COMMD10: variants seen among roughly 807,000 people sequenced by gnomAD.
The protein encoded by COMMD10 is COMM domain containing 10.
COMMD10 carries 33 observed loss-of-function variants against 28.9 expected under a neutral mutation model. The ratio of observed to expected loss-of-function variants is 1.14; its 90% CI spans 0.87 to 1.53. The LOEUF is 1.53. COMMD10 is among the 40% of genes most tolerant of loss of function. The pLI is 0.00. For synonymous variants in COMMD10, 110 were observed against 81.7 expected (o/e 1.35, Z -1.87); for missense variants, 310 against 233.4 (o/e 1.33, Z -2.14).
At chr5:116,265,242 A>T (rs1750554636) in intron 5 of COMMD10, among the ~76,000 whole-genome samples, 1 of 151,778 alleles carries the variant, frequency 6.6e-6, no homozygotes, top group South Asian at 2.1e-4. Context: ...AATATTCTGC[A>T]TATTGACTTT....
intron 4 of COMMD10, among the ~76,000 whole-genome samples, chr5:116,105,461 T>C (rs1014553136): frequency 6.6e-6 from 1 of 152,222 alleles, no homozygotes; most frequent in Admixed American, 6.5e-5. Context: ...ATTAGGATGA[T>C]GTTGGCCTCG....
chr5:116,207,468 G>A (rs1748842270), intron 5 of COMMD10, among the ~76,000 whole-genome samples: 1 of 152,190 alleles, frequency 6.6e-6, no homozygotes, highest in East Asian at 1.9e-4. Flanking sequence ...TTATTCATCA[G>A]TTTCTCTCAA....
chr5:116,110,339 G>C (rs377313241), intron 4 of COMMD10, among the ~76,000 whole-genome samples: 1 of 152,162 alleles, frequency 6.6e-6, no homozygotes, highest in African/African-American at 2.4e-5. Context: ...TTCTTTATTC[G>C]TTGTGTCCTT....
chr5:116,212,310 G>A (rs1748986390), intron 5 of COMMD10, among the ~76,000 whole-genome samples: 1 of 152,148 alleles, frequency 6.6e-6, no homozygotes, highest in Admixed American at 6.5e-5. Flanking sequence ...AGTAGAAGTA[G>A]TAATCCTCTC....
Position 116,153,958 on chromosome 5 carries a change from T to C in COMMD10, c.510+19780T>C, listed in dbSNP as rs541978516. 3.9e-5 allele frequency among the ~76,000 whole-genome samples: 6 copies of C among 152,114 alleles called. No individual in the cohort carries two copies. In the South Asian group the frequency reaches 1.0e-3, roughly 26 times the overall value. On this transcript the variant is annotated intron_variant, in intron 5 of 6. Transcript: ENST00000274458. Reference sequence around the variant, plus strand: ...CTTAGAATACTAGAGAATTAGAGAATTTAGGGGCATAAAATAGAATCCATA... The same window carrying C: ...CTTAGAATACTAGAGAATTAGAGAACTTAGGGGCATAAAATAGAATCCATA...
At chr5:116,274,074 C>G (rs986703935) in intron 5 of COMMD10, among the ~76,000 whole-genome samples, 1 of 151,638 alleles carries the variant, frequency 6.6e-6, no homozygotes. Flanking sequence ...ACCAACCTTT[C>G]CTATAAAACA....
At chr5:116,096,970 A>G (rs1750488542) in intron 4 of COMMD10, among the ~76,000 whole-genome samples, 1 of 151,970 alleles carries the variant, frequency 6.6e-6, no homozygotes, top group African/African-American at 2.4e-5. Flanking sequence ...TATATTTTAT[A>G]CAGTCCGTTT....
At chr5:116,177,323 A>G (rs1037103891) in intron 5 of COMMD10, among the ~76,000 whole-genome samples, 1 of 152,290 alleles carries the variant, frequency 6.6e-6, no homozygotes, top group African/African-American at 2.4e-5. Context: ...TGTTTAAAAT[A>G]CATGTAAATG....
chr5:116,264,643 T>C (rs1482335665), intron 5 of COMMD10, among the ~76,000 whole-genome samples: 1 of 151,904 alleles, frequency 6.6e-6, no homozygotes, highest in African/African-American at 2.4e-5. Flanking sequence ...TGGTCTCCTG[T>C]GTGACTGTTA....
At chr5:116,116,839 C>G (rs1048247418) in intron 4 of COMMD10, among the ~76,000 whole-genome samples, 1 of 152,036 alleles carries the variant, frequency 6.6e-6, no homozygotes, top group Non-Finnish European at 1.5e-5. Flanking sequence ...CTGCCTCAGC[C>G]TCCCAAAATG....
At chr5:116,132,550 AGTTAT>A (rs1323002704) in intron 4 of COMMD10, among the ~76,000 whole-genome samples, 1 of 152,126 alleles carries the variant, frequency 6.6e-6, no homozygotes, top group African/African-American at 2.4e-5. Context: ...TCTCTTCATT[AGTTAT>A]GTTAAGTGCC....
chr5:116,261,357 G>C (rs936693114), intron 5 of COMMD10, among the ~76,000 whole-genome samples: 3 of 151,666 alleles, frequency 2.0e-5, no homozygotes, highest in African/African-American at 7.3e-5. Flanking sequence ...CTTGCCTAGC[G>C]TAATGACTGA....
chr5:116,235,861 A>C (rs182439071), intron 5 of COMMD10, among the ~76,000 whole-genome samples: 102 of 152,272 alleles, frequency 6.7e-4, no homozygotes, highest in African/African-American at 2.5e-3. Context: ...AGTTCGCTTG[A>C]TACTTGCTCA....
In COMMD10 at chr5:116,094,078, A is replaced by T. The variant is rs148583955; in HGVS notation, c.399+1378A>T. Among the ~76,000 whole-genome samples the T allele has an allele frequency of 3.7e-4, 57 of 152,300 alleles. 1 individual carries two copies. Among genetic ancestry groups the T allele is most frequent in the African/African-American group, 1.4e-3 (57 of 41,568 alleles). ...CACAACTGTTAAAATACTAGAAGAA[A>T]ACAGGAGAAATACTCCAGGACATTT... On this transcript the variant is annotated intron_variant, in intron 4 of 6. Transcript: ENST00000274458.
At chr5:116,278,136 A>T (rs1336962378) in intron 5 of COMMD10, among the ~76,000 whole-genome samples, 4 of 151,848 alleles carry the variant, frequency 2.6e-5, no homozygotes, top group Non-Finnish European at 4.4e-5. Context: ...ATATGTACTT[A>T]TCCTTAGAAT....
intron 4 of COMMD10, among the ~76,000 whole-genome samples, chr5:116,098,025 A>G (rs1040074352): frequency 5.9e-5 from 9 of 152,180 alleles, no homozygotes; most frequent in Admixed American, 4.6e-4. Context: ...CATGTCACAT[A>G]CCTTTTAAAA....
intron 5 of COMMD10, among the ~76,000 whole-genome samples, chr5:116,226,669 AT>A (rs1749401812): frequency 6.7e-6 from 1 of 150,294 alleles, no homozygotes. Context: ...GAAAAAAAAA[AT>A]TCCTGAAGCC....
chr5:116,085,345 G>T (rs995407693), intron 1 of COMMD10: 17 of 490,724 alleles, frequency 3.5e-5, no homozygotes, highest in Non-Finnish European at 5.8e-5. Flanking sequence ...GTACGGAAGC[G>T]TGTGGTCTGC....
chr5:116,275,494 G>T (rs1376123447), intron 5 of COMMD10, among the ~76,000 whole-genome samples: 1 of 151,632 alleles, frequency 6.6e-6, no homozygotes, highest in Non-Finnish European at 1.5e-5. Context: ...ATGTCATTTT[G>T]TAACCTCAGT....
Sources: gnomAD v4.1 joint callset for allele counts (sites outside exome capture counted in the v4.1 genomes callset) on GRCh38, gnomAD v4.1.1 for gene constraint, MANE v1.5 for transcripts, NCBI Gene and HGNC (gene_info 2026-07-23, HGNC 2026-07-21) for gene names.